Variants in DOCK3 observed in about 807,000 individuals in gnomAD.
The protein encoded by DOCK3 is dedicator of cytokinesis protein 3.
DOCK3 carries 60 observed loss-of-function variants against 265.6 expected under a neutral mutation model. That is an observed-to-expected ratio of 0.23 (90% confidence interval 0.18 to 0.28). The LOEUF (loss-of-function observed/expected upper bound fraction) is 0.28. Among genes scored for constraint, DOCK3 ranks in the 10% least tolerant of loss-of-function variants. The pLI, the probability that DOCK3 is intolerant of heterozygous loss-of-function variation, is 1.00. For synonymous variants in DOCK3, 881 were observed against 938.0 expected (o/e 0.94, Z 1.11); for missense variants, 1,981 against 2,594.3 (o/e 0.76, Z 5.14).
At chr3:50,803,729 G>A (rs1414704006) in intron 2 of DOCK3, among the ~76,000 whole-genome samples, 6 of 151,392 alleles carry the variant, frequency 4.0e-5, no homozygotes, top group Non-Finnish European at 8.8e-5. Context: ...CAGATGGGGC[G>A]GCTGGCCGGG....
chr3:51,029,701 C>T (rs572437976), intron 5 of DOCK3, among the ~76,000 whole-genome samples: 2 of 152,306 alleles, frequency 1.3e-5, no homozygotes, highest in South Asian at 4.1e-4. Flanking sequence ...GGACCCACAA[C>T]TCCCTGGGGA....
chr3:50,900,598 T>A (rs2049138571), intron 4 of DOCK3: 1 of 388,128 alleles, frequency 2.6e-6, no homozygotes, highest in Non-Finnish European at 5.0e-6. Flanking sequence ...TGGTTTTTCC[T>A]CATCTTCGTG....
At chr3:50,741,904 G>A (rs1252230310) in intron 1 of DOCK3, among the ~76,000 whole-genome samples, 5 of 152,214 alleles carry the variant, frequency 3.3e-5, no homozygotes, top group East Asian at 1.9e-4. Context: ...GTGTAAAAGT[G>A]TTCCTATTTC....
intron 1 of DOCK3, among the ~76,000 whole-genome samples, chr3:50,693,396 G>C (rs1002068928): frequency 1.3e-5 from 2 of 151,624 alleles, no homozygotes; most frequent in African/African-American, 4.8e-5. Context: ...AATTTCTTTT[G>C]GCAGTGTTTT....
chr3:51,246,383 C>T (rs1049141111), intron 21 of DOCK3, among the ~76,000 whole-genome samples: 2 of 152,118 alleles, frequency 1.3e-5, no homozygotes, highest in African/African-American at 4.8e-5. Context: ...CAGGCACGCA[C>T]CACCATGCCT....
chr3:51,017,789 A>G (rs1388647314), intron 5 of DOCK3, among the ~76,000 whole-genome samples: 2 of 151,878 alleles, frequency 1.3e-5, no homozygotes, highest in African/African-American at 4.9e-5. Flanking sequence ...CATGGCTGAG[A>G]AAAAAATGCT....
chr3:50,796,359 A>G (rs1406390498), intron 2 of DOCK3, among the ~76,000 whole-genome samples: 2 of 129,000 alleles, frequency 1.6e-5, no homozygotes, highest in African/African-American at 3.0e-5. Context: ...TTTTTTTGAG[A>G]TGGAGTTTTG....
intron 22 of DOCK3, among the ~76,000 whole-genome samples, chr3:51,255,982 T>G (rs1348216632): frequency 6.6e-5 from 10 of 152,286 alleles, no homozygotes; most frequent in African/African-American, 2.4e-4. Context: ...CTGCTTTGGT[T>G]TCTCCCCATC....
At chr3:51,102,475 T>C (rs1424779807) in intron 9 of DOCK3, among the ~76,000 whole-genome samples, 1 of 152,244 alleles carries the variant, frequency 6.6e-6, no homozygotes, top group Non-Finnish European at 1.5e-5. Flanking sequence ...TCAGGGTTTA[T>C]ATTTTGAGGA....
chr3:50,988,667 G>C (rs2077992565), intron 5 of DOCK3, among the ~76,000 whole-genome samples: 1 of 152,176 alleles, frequency 6.6e-6, no homozygotes, highest in African/African-American at 2.4e-5. Context: ...CCTGGGACAG[G>C]CTGCCATCTT....
At chr3:50,905,457 C>A (rs922341952) in intron 4 of DOCK3, among the ~76,000 whole-genome samples, 9 of 152,096 alleles carry the variant, frequency 5.9e-5, no homozygotes, top group South Asian at 2.1e-4. Flanking sequence ...GTTTGTAGTT[C>A]TCCTTGAAGA....
intron 9 of DOCK3, among the ~76,000 whole-genome samples, chr3:51,137,538 G>A (rs1006115907): frequency 1.3e-5 from 2 of 152,138 alleles, no homozygotes; most frequent in South Asian, 4.1e-4. Context: ...CCAAACATTT[G>A]TTGAAGGGAT....
intron 9 of DOCK3, among the ~76,000 whole-genome samples, chr3:51,102,699 C>T: frequency 6.6e-6 from 1 of 152,142 alleles, no homozygotes; most frequent in East Asian, 1.9e-4. Context: ...CTTTGCAGTG[C>T]ATGGGAACCA....
chr3:51,350,179 T>G, intron 39 of DOCK3, 109 bp from the exon 40 acceptor site: 1 of 893,892 alleles, frequency 1.1e-6, no homozygotes, highest in Non-Finnish European at 1.7e-6. Context: ...TTATCTAGAT[T>G]GAGTTGCCAT....
At chr3:51,307,607 G>A (rs1238548321) in intron 27 of DOCK3, among the ~76,000 whole-genome samples, 1 of 151,928 alleles carries the variant, frequency 6.6e-6, no homozygotes. Context: ...GCACTTTTCA[G>A]TTCAGCCATA....
At chr3:50,686,863 C>G (rs913369563) in intron 1 of DOCK3, among the ~76,000 whole-genome samples, 14 of 145,366 alleles carry the variant, frequency 9.6e-5, no homozygotes, top group African/African-American at 3.6e-4. Context: ...GAGCCAAAAT[C>G]ACACCACTAC....
At chr3:50,787,364 C>T (rs1489856913) in intron 2 of DOCK3, 2 of 394,850 alleles carry the variant, frequency 5.1e-6, no homozygotes, top group African/African-American at 2.1e-5. Context: ...GTAGAAACCC[C>T]GTCTCTATTA....
intron 32 of DOCK3, among the ~76,000 whole-genome samples, chr3:51,315,630 C>T (rs2083321453): frequency 6.6e-6 from 1 of 152,110 alleles, no homozygotes; most frequent in South Asian, 2.1e-4. Context: ...TCTTTTGCCA[C>T]CACTAAGTGT....
intron 40 of DOCK3, among the ~76,000 whole-genome samples, chr3:51,352,689 T>G (rs566286513): frequency 2.6e-5 from 4 of 152,356 alleles, no homozygotes; most frequent in African/African-American, 9.6e-5. Flanking sequence ...ACATGCTACC[T>G]TCCCTTATTT....
Sources: gnomAD v4.1 joint callset for allele counts (sites outside exome capture counted in the v4.1 genomes callset) on GRCh38, gnomAD v4.1.1 for gene constraint, MANE v1.5 for transcripts, NCBI Gene and HGNC (gene_info 2026-07-23, HGNC 2026-07-21) for gene names.